The following SCN10A variants were observed in gnomAD, a reference collection of about 807,000 sequenced individuals.
SCN10A encodes the protein sodium voltage-gated channel alpha subunit 10.
In SCN10A, 162 loss-of-function variants were observed where a neutral mutation model predicts 170.7. That is an observed-to-expected ratio of 0.95 (90% CI 0.84 to 1.08). The LOEUF (loss-of-function observed/expected upper bound fraction) is 1.08, where lower values mean the gene tolerates loss of function less well. Ranked by LOEUF, SCN10A falls within the 50% of genes least tolerant of loss-of-function variation. The pLI is 0.00. For missense variants in SCN10A, 2,527 were observed against 2,436.9 expected (o/e 1.04, Z -0.78); for synonymous variants, 985 against 904.6 (o/e 1.09, Z -1.59).
intron 1 of SCN10A, among the ~76,000 whole-genome samples, chr3:38,804,840 G>A (rs549398504): frequency 9.9e-5 from 15 of 152,186 alleles, no homozygotes; most frequent in South Asian, 2.1e-4. Context: ...TTGTGGGGGC[G>A]GAATGGCACT....
In SCN10A at chr3:38,707,248, G is replaced by A. The variant is rs760773412; in HGVS notation, c.4386+31C>T. On this transcript the variant is annotated intron_variant, in intron 26 of 27. Transcript: ENST00000449082. ...GACTGTCATGTTGGATTCACAGACA[G>A]GCTGTGCTAGAGGAAACCTCTGGGG... The A allele has an allele frequency of 1.4e-5, 23 of 1,607,218 alleles. No homozygotes were observed. In the South Asian group the frequency reaches 2.3e-4, roughly 16 times the overall value.
chr3:38,701,444 A>G (rs994860310), intron 27 of SCN10A, among the ~76,000 whole-genome samples: 1 of 152,188 alleles, frequency 6.6e-6, no homozygotes, highest in African/African-American at 2.4e-5. Flanking sequence ...AACAGATTTT[A>G]AGACTCATCT....
At chr3:38,739,778 A>G in intron 14 of SCN10A, 90 bp from the exon 15 acceptor site, 1 of 1,072,328 alleles carries the variant, frequency 9.3e-7, no homozygotes, top group Non-Finnish European at 1.4e-6. Context: ...CTTATTTACA[A>G]AATAGAAAAT....
chr3:38,803,153 G>T (rs1391125101), intron 1 of SCN10A, among the ~76,000 whole-genome samples: 2 of 152,160 alleles, frequency 1.3e-5, no homozygotes, highest in Admixed American at 6.5e-5. Flanking sequence ...GGAAAAAACA[G>T]GTGCTGGAGA....
At chr3:38,768,522 T>C (rs1446611071) in intron 5 of SCN10A, among the ~76,000 whole-genome samples, 1 of 152,214 alleles carries the variant, frequency 6.6e-6, no homozygotes, top group Non-Finnish European at 1.5e-5. Flanking sequence ...TCATACAATA[T>C]TCTTGGCTGG....
At chr3:38,747,727 T>C (rs1478964719) in intron 13 of SCN10A, among the ~76,000 whole-genome samples, 3 of 152,258 alleles carry the variant, frequency 2.0e-5, no homozygotes, top group Non-Finnish European at 4.4e-5. Context: ...GTTTGGGACA[T>C]GCATTTTGCT....
At chr3:38,710,751 T>C in intron 24 of SCN10A, 93 bp downstream of exon 24, 3 of 1,238,062 alleles carry the variant, frequency 2.4e-6, no homozygotes, top group South Asian at 2.7e-5. Context: ...CCTCTTCCAG[T>C]ACCAGGGTCA....
rs1240283975 is a variant in SCN10A at position 38,718,671 on chromosome 3, C to T, written c.3663G>A (p.Leu1221=). The T allele has an allele frequency of 6.2e-7, 1 of 1,614,188 alleles. No homozygotes were observed. The highest frequency in any genetic ancestry group is 8.5e-7 in the Non-Finnish European group (1 of 1,180,024). ...KKYFTNAWCW[L]DFLIVNISLI... ...CACTCACATTCACAATGAGGAAGTC[C>T]AGCCAGCACCAGGCATTGGTGAAGT... Residue 1221 remains leucine (L), a synonymous_variant, in exon 21 of 28, where the codon CTG becomes CTA. Transcript: ENST00000449082.
Position 38,697,599 on chromosome 3 carries a change from G to A in SCN10A, c.5621C>T (p.Ser1874Phe), listed in dbSNP as rs767110682. 1.9e-6 allele frequency: 3 copies of A among 1,614,210 alleles called. No homozygotes were observed. The highest frequency in any genetic ancestry group is 2.7e-5 in the African/African-American group (2 of 75,062). ...SYVLHRSMAL[S>F]NTPCVPRAEE... Reference sequence around the variant, plus strand: ...AGCTCTGGGCACACATGGGGTGTTAGAGAGTGCCATGGAGCGGTGCAGCAC... The same window carrying A: ...AGCTCTGGGCACACATGGGGTGTTAAAGAGTGCCATGGAGCGGTGCAGCAC... Residue 1874 changes from serine (S) to phenylalanine (F), a missense_variant, in exon 28 of 28, where the codon TCT becomes TTT. Ser to Phe is a radical substitution (Grantham distance 155). Coordinates refer to ENST00000449082, the MANE Select transcript of SCN10A (RefSeq NM_006514.4).
Position 38,707,286 on chromosome 3 carries a change from C to G in SCN10A, c.4379G>C (p.Arg1460Pro), listed in dbSNP as rs369399424. The change falls in exon 26 of 28, where the codon CGG becomes CCG. Residue 1460 changes from arginine to proline, a missense_variant. Physicochemically the swap from Arg to Pro is moderately radical, Grantham distance 103. Transcript: ENST00000449082. ...GAAACCTCTGGGGCTCACCAGGGGCCGTGGGATGGGCTTCTGGGGCTTCTT... is the reference window on the plus strand; with the variant it reads ...GAAACCTCTGGGGCTCACCAGGGGCGGTGGGATGGGCTTCTGGGGCTTCTT... ...GSKKPQKPIP[R>P]PLNKFQGFVF... 5.6e-6 allele frequency: 9 copies of G among 1,613,874 alleles called. No homozygotes were observed. The East Asian group carries it at 2.0e-4, about 36-fold the overall frequency.
Position 38,725,246 on chromosome 3 carries a change from T to C in SCN10A, c.3156A>G (p.Thr1052=), listed in dbSNP as rs777642089. Reference sequence around the variant, plus strand: ...GGGATGGAGCCAGGTCCTCAGAAGATGTTCCAGTGCCTGGGCTCCTGGGTG... The same window carrying C: ...GGGATGGAGCCAGGTCCTCAGAAGACGTTCCAGTGCCTGGGCTCCTGGGTG... ...HLTPRSPGTG[T]SSEDLAPSLG... The change falls in exon 18 of 28, where the codon ACA becomes ACG. Residue 1052 remains threonine (T), a synonymous_variant. Coordinates refer to ENST00000449082, the MANE Select transcript of SCN10A (RefSeq NM_006514.4). 28 of 1,606,688 alleles carry C rather than the reference T, an allele frequency of 1.7e-5. No homozygotes were observed. The highest frequency in any genetic ancestry group is 1.1e-4 in the African/African-American group (8 of 74,822).
At position 38,761,178 on chromosome 3, in the gene SCN10A, G is replaced by A. The variant is rs759528801; in HGVS notation, c.883+14C>T. ...CAACCAGACCTTGGTCCCTATGGAA[G>A]AGACTCCACTCACGTTTTCTGTGAG... On this transcript the variant is annotated intron_variant, in intron 7 of 27. Transcript: ENST00000449082. 1 of 1,599,500 alleles carries A rather than the reference G, an allele frequency of 6.3e-7. No homozygotes were observed. The highest frequency in any genetic ancestry group is 8.5e-7 in the Non-Finnish European group (1 of 1,171,720).
At chr3:38,720,555 C>G (rs1421171079) in intron 20 of SCN10A, among the ~76,000 whole-genome samples, 2 of 151,798 alleles carry the variant, frequency 1.3e-5, no homozygotes, top group Admixed American at 1.3e-4. Flanking sequence ...AAAAGGTACT[C>G]AAAGTGAAAG....
At chr3:38,763,261 G>A (rs2063895477) in intron 6 of SCN10A, among the ~76,000 whole-genome samples, 1 of 152,180 alleles carries the variant, frequency 6.6e-6, no homozygotes, top group Non-Finnish European at 1.5e-5. Flanking sequence ...TATTGATTGT[G>A]AGGCCATGTG....
intron 14 of SCN10A, among the ~76,000 whole-genome samples, chr3:38,741,842 C>T (rs917300512): frequency 4.6e-5 from 7 of 152,250 alleles, no homozygotes; most frequent in South Asian, 2.1e-4. Context: ...CCTTAAGTGA[C>T]AACATTGAAA....
At chr3:38,815,519 A>G (rs1184259525) in intron 1 of SCN10A, among the ~76,000 whole-genome samples, 1 of 152,186 alleles carries the variant, frequency 6.6e-6, no homozygotes, top group Non-Finnish European at 1.5e-5. Context: ...CTTCTCTAAC[A>G]AGATAACTTG....
chr3:38,794,818 C>T (rs1575184884), intron 1 of SCN10A, among the ~76,000 whole-genome samples: 1 of 152,150 alleles, frequency 6.6e-6, no homozygotes, highest in Non-Finnish European at 1.5e-5. Context: ...CTCACTATTC[C>T]CTGTCTTCCC....
At chr3:38,724,744 TG>T (rs1344890609) in intron 18 of SCN10A, among the ~76,000 whole-genome samples, 3 of 152,264 alleles carry the variant, frequency 2.0e-5, no homozygotes, top group Admixed American at 2.0e-4. Context: ...TTTTCTTGGC[TG>T]TCATTTCCTG....
chr3:38,813,389 C>T (rs937888656), intron 1 of SCN10A, among the ~76,000 whole-genome samples: 2 of 152,184 alleles, frequency 1.3e-5, no homozygotes, highest in African/African-American at 4.8e-5. Flanking sequence ...ATCACTAAAA[C>T]TGAAACTCCG....
Sources: allele counts gnomAD v4.1 joint callset (sites outside exome capture counted in the v4.1 genomes callset), GRCh38; gene constraint gnomAD v4.1.1; transcripts MANE v1.5; gene names NCBI Gene and HGNC (gene_info 2026-07-23, HGNC 2026-07-21).